The following KIR2DL3 variants were observed in gnomAD, a reference collection of about 807,000 sequenced individuals.
KIR2DL3 encodes killer cell immunoglobulin like receptor, two Ig domains and long cytoplasmic tail 3, also known as killer cell immunoglobulin-like receptor 2DL3.
KIR2DL3 carries 39 observed loss-of-function variants against 33.8 expected under a neutral mutation model. The ratio of observed to expected loss-of-function variants is 1.15; its 90% CI spans 0.89 to 1.51. The LOEUF is 1.51. Among genes scored for constraint, KIR2DL3 ranks in the 40% most tolerant of loss-of-function variants. KIR2DL3 has a pLI of 0.00. For missense variants in KIR2DL3, 462 were observed against 426.2 expected (o/e 1.08, Z -0.74); for synonymous variants, 174 against 160.2 (o/e 1.09, Z -0.65).
Position 54,752,431 on chromosome 19 carries a change from A to G in KIR2DL3, c.938A>G (p.Gln313Arg), listed in dbSNP as rs770928061. The change falls in exon 8 of 8, where the codon CAG becomes CGG. Residue 313 changes from glutamine (Q) to arginine (R), a missense_variant. Gln to Arg is a conservative substitution (Grantham distance 43). Transcript: ENST00000342376. ...CAGTTGAATCACTGCGTTTTCACAC[A>G]GAGAAAAATCACTCGCCCTTCTCAG... is the stretch of plus-strand genomic sequence containing the variant. Reference protein sequence around the residue: ...YAQLNHCVFTQRKITRPSQRP... With the variant: ...YAQLNHCVFTRRKITRPSQRP... 2 of 1,467,628 alleles carry G rather than the reference A, an allele frequency of 1.4e-6. No homozygotes were observed. Among genetic ancestry groups the G allele is most frequent in the East Asian group, 2.3e-5 (1 of 44,270 alleles). The allele number at this position is 1,467,628 out of a possible 1,614,324, so 90.9% of individuals were successfully genotyped here.
rs539614727 is a variant in KIR2DL3 at position 54,740,547 on chromosome 19, C to T, written c.70+1005C>T. Among the ~76,000 whole-genome samples the T allele has an allele frequency of 1.8e-3, 277 of 151,582 alleles. 2 individuals carry two copies. Among genetic ancestry groups the T allele is most frequent in the African/African-American group, 6.5e-3 (268 of 41,164 alleles). On this transcript the variant is annotated intron_variant, in intron 2 of 7. Transcript: ENST00000342376. ...CCAGCAACCCCCTGGTGATCGTGGT[C>T]ATAGGTCAGAGGGCTCCTGTCTTGG...
intron 4 of KIR2DL3, among the ~76,000 whole-genome samples, chr19:54,746,786 T>C (rs367947544): frequency 4.8e-3 from 630 of 132,296 alleles, no homozygotes; most frequent in Middle Eastern, 0.016. Flanking sequence ...AGTTCAAGAT[T>C]AGTCTGGCCG....
At position 54,741,982 on chromosome 19, in the gene KIR2DL3, G is replaced by A. The variant is rs777734873; in HGVS notation, c.73G>A (p.Val25Ile). The A allele has an allele frequency of 1.5e-5, 24 of 1,601,698 alleles. No individual in the cohort carries two copies. In the African/African-American group the frequency reaches 2.3e-4, roughly 15 times the overall value. The change falls in exon 3 of 8, where the codon GTC becomes ATC. Residue 25 changes from valine (V) to isoleucine (I), a missense_variant and splice_region_variant. Physicochemically the swap from Val to Ile is conservative, Grantham distance 29. Transcript: ENST00000342376. The part of the protein sequence containing the change: ...LLQGAWPHEG[V>I]HRKPSLLAHP... ...AAACTCACAACCTCTCTTCCTAGGA[G>A]TCCACAGAAAACCTTCCCTCCTGGC...
chr19:54,752,986 A>C lies in KIR2DL3; in HGVS notation c.*467A>C. ...CTTTCAGCCTTCTGTCAGCAGTAAA[A>C]CTTATATATTTTTTAAAATAATTTC... On this transcript the variant is annotated 3_prime_UTR_variant, in exon 8 of 8. Transcript: ENST00000342376. 5.2e-6 allele frequency: 1 copy of C among 193,458 alleles called. No homozygotes were observed. The highest frequency in any genetic ancestry group is 1.0e-5 in the Non-Finnish European group (1 of 96,824). The allele number at this position is 193,458 out of a possible 1,614,324, so 12.0% of individuals were successfully genotyped here. A position where few individuals can be genotyped will look rare whatever the true frequency, so the allele number is the denominator to read the frequency against.
At chr19:54,748,545 G>A (rs1253235612) in intron 5 of KIR2DL3, among the ~76,000 whole-genome samples, 3 of 147,736 alleles carry the variant, frequency 2.0e-5, no homozygotes, top group African/African-American at 7.5e-5. Flanking sequence ...AAATGGGAGG[G>A]CAGAAAATGA....
rs749957779 is a variant in KIR2DL3, at chr19:54,747,737, G to A, written c.715+352G>A. The stretch of plus-strand genomic sequence containing the variant: ...AGGGAAGGGAACATCTGATGAGGGC[G>A]AGGTGTTTTAGAGAAGTTCCACTTG... On this transcript the variant is annotated intron_variant, in intron 5 of 7. Coordinates refer to ENST00000342376, the MANE Select transcript of KIR2DL3 (RefSeq NM_015868.3). Among the ~76,000 whole-genome samples, 260 of 152,286 alleles carry A rather than the reference G, an allele frequency of 1.7e-3. 1 individual carries two copies. Among genetic ancestry groups the A allele is most frequent in the Non-Finnish European group, 2.6e-3 (179 of 68,030 alleles).
chr19:54,745,711 G>T (rs556164528), intron 4 of KIR2DL3, among the ~76,000 whole-genome samples: 6 of 151,624 alleles, frequency 4.0e-5, no homozygotes, highest in Non-Finnish European at 7.4e-5. Flanking sequence ...CGTAAAGGCT[G>T]TACTAATTTA....
At chr19:54,743,214 A>T (rs1186348478) in intron 3 of KIR2DL3, among the ~76,000 whole-genome samples, 1 of 152,214 alleles carries the variant, frequency 6.6e-6, no homozygotes, top group Non-Finnish European at 1.5e-5. Context: ...AGATACATAG[A>T]TGATGATTGA....
intron 2 of KIR2DL3, among the ~76,000 whole-genome samples, chr19:54,741,672 G>C (rs2071143946): frequency 1.3e-5 from 2 of 151,778 alleles, no homozygotes; most frequent in African/African-American, 4.8e-5. Flanking sequence ...AGCCTATCCT[G>C]GTTCCTCTTT....
At position 54,752,635 on chromosome 19, in the gene KIR2DL3, A is replaced by G. The variant is rs945579217; in HGVS notation, c.*116A>G. 5.0e-5 allele frequency: 66 copies of G among 1,307,504 alleles called. 11 individuals are homozygous for G. Among genetic ancestry groups the G allele is most frequent in the Non-Finnish European group, 6.0e-5 (56 of 937,018 alleles). The allele number at this position is 1,307,504 out of a possible 1,614,324, so 81.0% of individuals were successfully genotyped here. ...CAGCTCCAATGTACCAGCAGCTGGA[A>G]TCTGAAGGCGTGAGTCTGCATCTTA... On this transcript the variant is annotated 3_prime_UTR_variant, in exon 8 of 8. Coordinates refer to ENST00000342376, the MANE Select transcript of KIR2DL3 (RefSeq NM_015868.3).
chr19:54,747,608 A>G (rs2072753564), intron 5 of KIR2DL3, among the ~76,000 whole-genome samples: 1 of 152,300 alleles, frequency 6.6e-6, no homozygotes, highest in South Asian at 2.1e-4. Flanking sequence ...CCTACAAGCT[A>G]GAAGAATGAT....
chr19:54,748,415 C>G (rs1265775857), intron 5 of KIR2DL3, among the ~76,000 whole-genome samples: 3 of 141,530 alleles, frequency 2.1e-5, no homozygotes, highest in Non-Finnish European at 4.7e-5. Context: ...AACATATTCA[C>G]AAGCTATGGA....
At chr19:54,750,754 A>G (rs1440856849) in intron 5 of KIR2DL3, among the ~76,000 whole-genome samples, 1 of 137,186 alleles carries the variant, frequency 7.3e-6, no homozygotes, top group Non-Finnish European at 1.6e-5. Context: ...ACTAACAGAT[A>G]AGCAGCGAGT....
chr19:54,742,646 C>G (rs1324812230), intron 3 of KIR2DL3, among the ~76,000 whole-genome samples: 1 of 151,202 alleles, frequency 6.6e-6, no homozygotes, highest in African/African-American at 2.4e-5. Context: ...CAGGAGAACC[C>G]AAGGACACCC....
intron 4 of KIR2DL3, among the ~76,000 whole-genome samples, chr19:54,746,222 G>C (rs74462725): frequency 0.022 from 2,357 of 106,190 alleles, 112 homozygotes; most frequent in African/African-American, 0.042. Context: ...AATTTCATGT[G>C]TTTTGCTCCT....
At chr19:54,751,509 G>A in intron 5 of KIR2DL3, 140 bp from the exon 6 acceptor site, 1 of 735,530 alleles carries the variant, frequency 1.4e-6, no homozygotes, top group Non-Finnish European at 2.2e-6. Flanking sequence ...GAAAGCAGGA[G>A]AAAGCTGGGT....
In KIR2DL3 at chr19:54,753,000, T is replaced by C. The variant is rs1359985152; in HGVS notation, c.*481T>C. ...TCAGCAGTAAAACTTATATATTTTTTAAAATAATTTCAATGTAGTTTTCCC... is the reference window on the plus strand; with the variant it reads ...TCAGCAGTAAAACTTATATATTTTTCAAAATAATTTCAATGTAGTTTTCCC... On this transcript the variant is annotated 3_prime_UTR_variant, in exon 8 of 8. Transcript: ENST00000342376. 7.9e-5 allele frequency: 14 copies of C among 177,978 alleles called. 1 individual carries two copies. The highest frequency in any genetic ancestry group is 1.3e-4 in the Admixed American group (2 of 15,800). The allele number at this position is 177,978 out of a possible 1,614,324, so 11.0% of individuals were successfully genotyped here. A position where few individuals can be genotyped will look rare whatever the true frequency, so the allele number is the denominator to read the frequency against.
At chr19:54,742,450 C>G (rs1485823487) in intron 3 of KIR2DL3, among the ~76,000 whole-genome samples, 171 bp downstream of exon 3, 6 of 151,306 alleles carry the variant, frequency 4.0e-5, no homozygotes, top group Non-Finnish European at 7.4e-5. Context: ...CAAGTACAGA[C>G]CAGGTGTCAT....
intron 2 of KIR2DL3, 92 bp from the exon 3 acceptor site, chr19:54,741,888 G>A: frequency 7.4e-7 from 1 of 1,343,156 alleles, no homozygotes; most frequent in Non-Finnish European, 1.0e-6. Context: ...GAGAGAGACA[G>A]ACACCAGCAA....
Sources: allele counts gnomAD v4.1 joint callset (sites outside exome capture counted in the v4.1 genomes callset), GRCh38; gene constraint gnomAD v4.1.1; transcripts MANE v1.5; gene names NCBI Gene and HGNC (gene_info 2026-07-23, HGNC 2026-07-21).